Variants in PBX1 observed in about 807,000 individuals in gnomAD.
PBX1 encodes the protein PBX homeobox 1, also known as pre-B-cell leukemia transcription factor 1.
A neutral mutation model predicts 53.4 loss-of-function variants in PBX1; 6 were observed. That is an observed-to-expected ratio of 0.11 (90% confidence interval 0.06 to 0.22). The LOEUF is 0.22. Among genes scored for constraint, PBX1 ranks in the 10% least tolerant of loss-of-function variants. The pLI, the probability that PBX1 is intolerant of heterozygous loss-of-function variation, is 1.00. For synonymous variants in PBX1, 204 were observed against 212.3 expected, an observed-to-expected ratio of 0.96 and a Z score of 0.34; for missense variants, 251 against 551.4, an observed-to-expected ratio of 0.46 and a Z score of 5.46.
At chr1:164,871,589 G>A (rs1447933035) in intron 2 of PBX1, among the ~76,000 whole-genome samples, 1 of 152,282 alleles carries the variant, frequency 6.6e-6, no homozygotes, top group East Asian at 1.9e-4. Flanking sequence ...ATGGGGTCTT[G>A]GAGGAAACGT....
chr1:164,664,731 C>T (rs576349888), intron 2 of PBX1, among the ~76,000 whole-genome samples: 6 of 152,174 alleles, frequency 3.9e-5, no homozygotes, highest in Admixed American at 1.3e-4. Context: ...ACAATCATGG[C>T]GGAAGGCAAG....
chr1:164,729,253 A>G (rs140719666), intron 2 of PBX1, among the ~76,000 whole-genome samples: 24 of 152,348 alleles, frequency 1.6e-4, no homozygotes, highest in African/African-American at 5.3e-4. Context: ...CTCTTTATTG[A>G]TATGAAGTGA....
chr1:164,871,628 C>A (rs1469869010), intron 2 of PBX1, among the ~76,000 whole-genome samples: 2 of 152,144 alleles, frequency 1.3e-5, no homozygotes, highest in Non-Finnish European at 2.9e-5. Flanking sequence ...TTTCCCAGAG[C>A]CTTGCTTGGA....
chr1:164,692,131 G>C (rs184891796), intron 2 of PBX1, among the ~76,000 whole-genome samples: 101 of 152,220 alleles, frequency 6.6e-4, no homozygotes, highest in African/African-American at 2.3e-3. Flanking sequence ...ACCTGTATAC[G>C]TGCTTGTGTG....
intron 2 of PBX1, among the ~76,000 whole-genome samples, chr1:164,761,628 A>G (rs2102222996): frequency 6.6e-6 from 1 of 152,246 alleles, no homozygotes; most frequent in East Asian, 1.9e-4. Context: ...TATTTTTAGT[A>G]GAGACGGGGT....
rs186621252 is a variant in PBX1, at chr1:164,652,347, T to A, written c.265+89036T>A. ...CTCTAGCAGATTTTCCTCCCCTCAC[T>A]CCACCCCAATTTGGAAAATAGTGAT... On this transcript the variant is annotated intron_variant, in intron 2 of 8. Coordinates refer to ENST00000420696, the MANE Select transcript of PBX1 (RefSeq NM_002585.4). Among the ~76,000 whole-genome samples, 65 of 152,346 alleles carry A rather than the reference T, an allele frequency of 4.3e-4. No homozygotes were observed. The East Asian group carries it at 0.012, about 28-fold the overall frequency.
At chr1:164,780,036 G>T (rs1667853908) in intron 2 of PBX1, among the ~76,000 whole-genome samples, 2 of 152,150 alleles carry the variant, frequency 1.3e-5, no homozygotes, top group African/African-American at 4.8e-5. Flanking sequence ...AGCATCTTGT[G>T]GTGCTAAATG....
intron 2 of PBX1, among the ~76,000 whole-genome samples, chr1:164,760,230 C>G (rs1367333482): frequency 6.6e-6 from 1 of 152,152 alleles, no homozygotes; most frequent in Non-Finnish European, 1.5e-5. Context: ...TTAACCGAAT[C>G]AGAATGAGCA....
intron 6 of PBX1, chr1:164,813,029 G>A (rs1213268): frequency 6.6e-6 from 1 of 152,088 alleles, no homozygotes. Context: ...AACTTAAAAG[G>A]TTACCAATTT....
intron 6 of PBX1, 68 bp from the exon 7 acceptor site, chr1:164,820,004 G>T: frequency 1.2e-6 from 1 of 856,002 alleles, no homozygotes; most frequent in Non-Finnish European, 1.9e-6. Flanking sequence ...TCTTCCTCTT[G>T]GCTGTTAGTT....
intron 2 of PBX1, among the ~76,000 whole-genome samples, chr1:164,776,052 G>A (rs950460750): frequency 2.6e-5 from 4 of 152,142 alleles, no homozygotes; most frequent in Admixed American, 2.0e-4. Context: ...TTCCTTTAGG[G>A]CAGGCACTTT....
intron 8 of PBX1, among the ~76,000 whole-genome samples, chr1:164,833,889 C>CTTTTTTTTTT (rs57482828): frequency 7.2e-6 from 1 of 139,186 alleles, no homozygotes; most frequent in Non-Finnish European, 1.6e-5. Context: ...GCTTTTTGTA[C>CTTTTTTTTTT]TTTTTTTTTT....
At chr1:164,628,738 C>G (rs921293966) in intron 2 of PBX1, among the ~76,000 whole-genome samples, 1 of 152,056 alleles carries the variant, frequency 6.6e-6, no homozygotes, top group African/African-American at 2.4e-5. Context: ...CTCTCTCTAT[C>G]TAGATATATA....
At chr1:164,717,303 T>C (rs1664160095) in intron 2 of PBX1, among the ~76,000 whole-genome samples, 1 of 152,044 alleles carries the variant, frequency 6.6e-6, no homozygotes, top group Non-Finnish European at 1.5e-5. Flanking sequence ...ACACTGGAGG[T>C]ATTTCTTTGG....
At chr1:164,711,113 AG>A (rs1663741292) in intron 2 of PBX1, among the ~76,000 whole-genome samples, 1 of 151,908 alleles carries the variant, frequency 6.6e-6, no homozygotes, top group African/African-American at 2.4e-5. Context: ...GTAACATTTG[AG>A]GGGGGAAAAT....
chr1:164,561,085 A>C (rs1653006559), intron 1 of PBX1, among the ~76,000 whole-genome samples: 1 of 152,206 alleles, frequency 6.6e-6, no homozygotes, highest in Non-Finnish European at 1.5e-5. Context: ...CAAAAGGAAG[A>C]ATTTTAAAAA....
At chr1:164,631,904 A>G (rs994186359) in intron 2 of PBX1, among the ~76,000 whole-genome samples, 1 of 152,238 alleles carries the variant, frequency 6.6e-6, no homozygotes, top group East Asian at 1.9e-4. Flanking sequence ...CTGGGCAAGC[A>G]GTGTTGTGAC....
At chr1:164,573,553 G>A (rs905214480) in intron 2 of PBX1, among the ~76,000 whole-genome samples, 1 of 145,460 alleles carries the variant, frequency 6.9e-6, no homozygotes, top group Non-Finnish European at 1.5e-5. Flanking sequence ...GTGCAGTGGC[G>A]TGATCTCGGC....
At chr1:164,698,083 G>A (rs1217921002) in intron 2 of PBX1, among the ~76,000 whole-genome samples, 2 of 152,084 alleles carry the variant, frequency 1.3e-5, no homozygotes, top group Non-Finnish European at 2.9e-5. Context: ...AGGGAGAAGC[G>A]GGTCTGGGAA....
Sources: gnomAD v4.1 joint callset for allele counts (sites outside exome capture counted in the v4.1 genomes callset) on GRCh38, gnomAD v4.1.1 for gene constraint, MANE v1.5 for transcripts, NCBI Gene and HGNC (gene_info 2026-07-23, HGNC 2026-07-21) for gene names.